ASH1L: variants seen among roughly 807,000 people sequenced by gnomAD.
ASH1L encodes histone-lysine N-methyltransferase ASH1L.
In ASH1L, 23 loss-of-function variants were observed where a neutral mutation model predicts 269.0. The observed-to-expected ratio is 0.09, with a 90% CI of 0.06 to 0.12. The LOEUF (loss-of-function observed/expected upper bound fraction) is 0.12. Ranked by LOEUF, ASH1L falls within the 10% of genes least tolerant of loss-of-function variation. The pLI, the probability that ASH1L is intolerant of heterozygous loss-of-function variation, is 1.00. For synonymous variants in ASH1L, 1,187 were observed against 1,253.5 expected (o/e 0.95, Z 1.12); for missense variants, 2,912 against 3,567.8 (o/e 0.82, Z 4.68).
intron 5 of ASH1L, among the ~76,000 whole-genome samples, chr1:155,421,329 T>TG (rs1288504996): frequency 6.8e-6 from 1 of 147,772 alleles, no homozygotes; most frequent in Non-Finnish European, 1.5e-5. Context: ...TTTTTTTTTT[T>TG]TTTTTTTTTT....
intron 2 of ASH1L, among the ~76,000 whole-genome samples, chr1:155,483,243 G>T (rs920634737): frequency 6.6e-6 from 1 of 152,086 alleles, no homozygotes; most frequent in African/African-American, 2.4e-5. Flanking sequence ...TGTGTTTGTG[G>T]ATAGGAAGAC....
intron 6 of ASH1L, among the ~76,000 whole-genome samples, chr1:155,411,296 T>A (rs1400611739): frequency 6.6e-6 from 1 of 152,020 alleles, no homozygotes; most frequent in African/African-American, 2.4e-5. Flanking sequence ...TTCTTAAAAA[T>A]GCTTAAAGAA....
intron 4 of ASH1L, among the ~76,000 whole-genome samples, chr1:155,450,300 G>A (rs187887745): frequency 7.5e-4 from 114 of 152,272 alleles, no homozygotes; most frequent in Middle Eastern, 6.8e-3. Context: ...TTTATCCTAC[G>A]TGGGATTCGT....
At chr1:155,497,751 CTT>C (rs59853262) in intron 2 of ASH1L, among the ~76,000 whole-genome samples, 14 of 137,172 alleles carry the variant, frequency 1.0e-4, no homozygotes, top group Admixed American at 2.2e-4. Flanking sequence ...GAAGAAAATT[CTT>C]TTTTTTTTTT....
At chr1:155,475,979 A>T (rs1665507613) in intron 3 of ASH1L, among the ~76,000 whole-genome samples, 1 of 152,200 alleles carries the variant, frequency 6.6e-6, no homozygotes, top group Non-Finnish European at 1.5e-5. Flanking sequence ...CTATTATATA[A>T]CAAGGGCCCA....
At chr1:155,357,872 C>T in intron 13 of ASH1L, 123 bp from the exon 14 acceptor site, 3 of 888,460 alleles carry the variant, frequency 3.4e-6, no homozygotes, top group Non-Finnish European at 4.9e-6. Flanking sequence ...CTGGGCTCAA[C>T]TGATCCTCCT....
intron 3 of ASH1L, among the ~76,000 whole-genome samples, chr1:155,472,300 A>G (rs948548682): frequency 6.6e-6 from 1 of 152,198 alleles, no homozygotes; most frequent in Admixed American, 6.5e-5. Flanking sequence ...AAATAAATAA[A>G]GAAGGAAATT....
At chr1:155,432,289 T>C (rs970290397) in intron 5 of ASH1L, among the ~76,000 whole-genome samples, 1 of 152,182 alleles carries the variant, frequency 6.6e-6, no homozygotes, top group Admixed American at 6.5e-5. Context: ...TTTAGCATAG[T>C]CCTTACTTTT....
rs921600479 is a variant in ASH1L, at chr1:155,335,758, GTT to G, written c.*1900_*1901del. The G allele has an allele frequency of 6.6e-6, 1 of 151,822 alleles. No homozygotes were observed. The highest frequency in any genetic ancestry group is 1.9e-4 in the East Asian group (1 of 5,300). 9.4% of individuals were successfully genotyped at this position (151,822 alleles called of 1,614,324 possible). A position where few individuals can be genotyped will look rare whatever the true frequency, so the allele number is the denominator to read the frequency against. On this transcript the variant is annotated 3_prime_UTR_variant, in exon 28 of 28. Coordinates refer to ENST00000392403, the MANE Select transcript of ASH1L (RefSeq NM_018489.3). ...TGCTTCTGTTCTCGCATTTTACAAAGTTTTTTTTTCTTTTTCATCTTTTTTAA... is the reference window on the plus strand; with the variant it reads ...TGCTTCTGTTCTCGCATTTTACAAAGTTTTTTTCTTTTTCATCTTTTTTAA...
intron 2 of ASH1L, among the ~76,000 whole-genome samples, chr1:155,507,271 ACT>A (rs1401401144): frequency 1.3e-5 from 2 of 149,516 alleles, no homozygotes; most frequent in African/African-American, 5.0e-5. Context: ...CAAGAGCGAA[ACT>A]CCGTCTCAAA....
Position 155,479,567 on chromosome 1 carries a change from C to A in ASH1L, c.3303G>T (p.Glu1101Asp). 6.2e-7 allele frequency: 1 copy of A among 1,614,190 alleles called. No homozygotes were observed. Among genetic ancestry groups the A allele is most frequent in the East Asian group, 2.2e-5 (1 of 44,878 alleles). ...GAGAGCAAATAGGTGATGGAAGAAT[C>A]TCAGAACTACTAGCAGATGAAGGCA... ...PLLPSSASSS[E>D]ILPSPICSQS... The change falls in exon 3 of 28, where the codon GAG (glutamate) becomes GAT (aspartate). Residue 1101 changes from glutamate (E) to aspartate (D), a missense_variant. Glu to Asp is a conservative substitution (Grantham distance 45). Transcript: ENST00000392403.
intron 1 of ASH1L, among the ~76,000 whole-genome samples, chr1:155,547,334 C>T (rs1670900646): frequency 6.6e-6 from 1 of 151,736 alleles, no homozygotes. Flanking sequence ...TTTCTGTTTA[C>T]TGCAGCACTA....
chr1:155,420,929 T>C (rs1053887320), intron 5 of ASH1L, among the ~76,000 whole-genome samples: 9 of 150,820 alleles, frequency 6.0e-5, no homozygotes, highest in Non-Finnish European at 1.2e-4. Flanking sequence ...AATTAAACAC[T>C]GAATGTCATT....
intron 2 of ASH1L, among the ~76,000 whole-genome samples, chr1:155,520,816 C>T (rs1668836489): frequency 6.6e-6 from 1 of 151,400 alleles, no homozygotes; most frequent in South Asian, 2.1e-4. Context: ...GAGCCGAGAT[C>T]ACACCATTGC....
chr1:155,468,227 T>TG (rs1558136777), intron 3 of ASH1L, among the ~76,000 whole-genome samples: 1 of 29,766 alleles, frequency 3.4e-5, no homozygotes, highest in Non-Finnish European at 1.5e-4. Flanking sequence ...TTATTATTAT[T>TG]ATTATTTTTT....
chr1:155,485,596 T>C (rs976690910), intron 2 of ASH1L, among the ~76,000 whole-genome samples: 5 of 152,226 alleles, frequency 3.3e-5, no homozygotes, highest in Non-Finnish European at 7.3e-5. Flanking sequence ...TAGGTAACCA[T>C]GTGAATATCA....
intron 21 of ASH1L, among the ~76,000 whole-genome samples, chr1:155,345,570 G>T (rs1324345049): frequency 7.8e-6 from 1 of 128,508 alleles, no homozygotes; most frequent in African/African-American, 2.9e-5. Context: ...ACCATGCCCA[G>T]CTTTTTTTTT....
At chr1:155,447,128 A>T (rs938901989) in intron 4 of ASH1L, among the ~76,000 whole-genome samples, 1 of 152,206 alleles carries the variant, frequency 6.6e-6, no homozygotes, top group South Asian at 2.1e-4. Flanking sequence ...CTTTTCCCCA[A>T]TCTTAGGGAG....
At chr1:155,344,407 A>G in intron 21 of ASH1L, 134 bp from the exon 22 acceptor site, 1 of 651,762 alleles carries the variant, frequency 1.5e-6, no homozygotes, top group East Asian at 2.8e-5. Context: ...AAAAAAGATG[A>G]AAGCAACTAG....
Sources: allele counts gnomAD v4.1 joint callset (sites outside exome capture counted in the v4.1 genomes callset), GRCh38; gene constraint gnomAD v4.1.1; transcripts MANE v1.5; gene names NCBI Gene and HGNC (gene_info 2026-07-23, HGNC 2026-07-21).